The following KLF12 variants were observed in gnomAD, a reference collection of about 807,000 sequenced individuals.
KLF12 encodes the protein KLF transcription factor 12.
A neutral mutation model predicts 37.8 loss-of-function variants in KLF12; 9 were observed. That is an observed-to-expected ratio of 0.24 (90% CI 0.14 to 0.42). The LOEUF (loss-of-function observed/expected upper bound fraction) is 0.42, where lower values mean the gene tolerates loss of function less well. Among genes scored for constraint, KLF12 ranks in the 10% least tolerant of loss-of-function variants. The pLI, the probability that KLF12 is intolerant of heterozygous loss-of-function variation, is 1.00. For synonymous variants in KLF12, 208 were observed against 202.1 expected (o/e 1.03, Z -0.25); for missense variants, 411 against 516.0 (o/e 0.80, Z 1.97).
intron 6 of KLF12, among the ~76,000 whole-genome samples, chr13:73,725,403 A>C (rs1284933304): frequency 2.0e-5 from 3 of 152,168 alleles, no homozygotes; most frequent in African/African-American, 7.2e-5. Flanking sequence ...CCGGGCCAGT[A>C]ATTTTTTAAA....
At chr13:74,206,252 A>G in the KLF12 span, among the ~76,000 whole-genome samples, 1 of 152,188 alleles carries the variant, frequency 6.6e-6, no homozygotes, top group Non-Finnish European at 1.5e-5. Context: ...AACGTATTTT[A>G]TAATACTAAC....
intron 3 of KLF12, among the ~76,000 whole-genome samples, chr13:73,905,976 C>T (rs1026010588): frequency 6.6e-6 from 1 of 152,014 alleles, no homozygotes; most frequent in Non-Finnish European, 1.5e-5. Flanking sequence ...ATTTCTTTTC[C>T]TTAATATCAG....
intron 6 of KLF12, among the ~76,000 whole-genome samples, chr13:73,738,994 G>C (rs987306917): frequency 6.6e-6 from 1 of 152,164 alleles, no homozygotes; most frequent in South Asian, 2.1e-4. Flanking sequence ...CAGCACTTTG[G>C]AAGGCCGAGG....
intron 1 of KLF12, among the ~76,000 whole-genome samples, chr13:74,113,302 A>G (rs754283149): frequency 6.6e-6 from 1 of 152,252 alleles, no homozygotes; most frequent in Non-Finnish European, 1.5e-5. Context: ...CAGATTTTCA[A>G]TGTAGACAAA....
intron 1 of KLF12, among the ~76,000 whole-genome samples, chr13:74,119,790 C>T (rs1486496424): frequency 6.6e-6 from 1 of 151,936 alleles, no homozygotes; most frequent in Admixed American, 6.6e-5. Flanking sequence ...AATAGAAACA[C>T]TGAAAAGGTA....
upstream of KLF12, among the ~76,000 whole-genome samples, chr13:74,136,546 A>G (rs567817225): frequency 7.9e-4 from 121 of 152,352 alleles, no homozygotes; most frequent in South Asian, 2.3e-3. Context: ...CAGTTCTTGT[A>G]CTAACAGCTC....
intron 1 of KLF12, among the ~76,000 whole-genome samples, chr13:74,015,634 G>A (rs1210874622): frequency 6.6e-6 from 1 of 151,990 alleles, no homozygotes; most frequent in East Asian, 1.9e-4. Context: ...CTTTCCACAG[G>A]CATAGCAATC....
chr13:74,241,004 G>T, the KLF12 span, among the ~76,000 whole-genome samples: 12 of 152,182 alleles, frequency 7.9e-5, no homozygotes, highest in South Asian at 1.7e-3. Context: ...CGTTCCTTTG[G>T]AGGAGGAGAG....
intron 4 of KLF12, among the ~76,000 whole-genome samples, chr13:73,841,597 A>G (rs1033311039): frequency 6.6e-6 from 1 of 152,128 alleles, no homozygotes; most frequent in Admixed American, 6.6e-5. Context: ...AACTTACCCA[A>G]AAAGGACTTA....
chr13:74,279,766 G>A, the KLF12 span, among the ~76,000 whole-genome samples: 93 of 152,134 alleles, frequency 6.1e-4, no homozygotes, highest in Non-Finnish European at 2.1e-4. Flanking sequence ...AAAAGAGCAC[G>A]GAGTACATAA....
chr13:74,282,734 A>G, the KLF12 span, among the ~76,000 whole-genome samples: 4,041 of 152,278 alleles, frequency 0.027, 164 homozygotes, highest in African/African-American at 0.09. Flanking sequence ...CCAAAACTGA[A>G]TAGAAAGGGT....
chr13:74,234,483 A>G, the KLF12 span, among the ~76,000 whole-genome samples: 1 of 152,362 alleles, frequency 6.6e-6, no homozygotes, highest in East Asian at 1.9e-4. Flanking sequence ...TGCAAATCAC[A>G]TGAAACACTG....
chr13:73,768,554 ATT>A (rs10551193), intron 5 of KLF12, among the ~76,000 whole-genome samples: 115,876 of 151,772 alleles, frequency 0.76, 44,358 homozygotes, highest in South Asian at 0.87. Flanking sequence ...CAGGCAGCTC[ATT>A]TTTTTCTGCT....
intron 2 of KLF12, among the ~76,000 whole-genome samples, chr13:73,974,977 T>G (rs1891467820): frequency 6.6e-6 from 1 of 152,230 alleles, no homozygotes; most frequent in Admixed American, 6.5e-5. Flanking sequence ...GCTCGTAAAT[T>G]TATTAATCCT....
intron 1 of KLF12, among the ~76,000 whole-genome samples, chr13:74,030,554 C>A (rs1289354369): frequency 6.6e-6 from 1 of 152,056 alleles, no homozygotes; most frequent in Admixed American, 6.6e-5. Flanking sequence ...CAGAAAAAAA[C>A]CTTCCTGTCC....
intron 1 of KLF12, among the ~76,000 whole-genome samples, chr13:74,047,557 A>G (rs1202467616): frequency 9.9e-5 from 15 of 151,640 alleles, no homozygotes; most frequent in Admixed American, 9.9e-4. Flanking sequence ...AGATCCAGCC[A>G]CTGCATTCCA....
intron 6 of KLF12, among the ~76,000 whole-genome samples, chr13:73,755,949 G>A (rs1468156191): frequency 1.3e-5 from 2 of 152,060 alleles, no homozygotes; most frequent in African/African-American, 4.8e-5. Context: ...TTTTATGGCT[G>A]AGCAGCCTTC....
At chr13:74,199,403 A>T in the KLF12 span, among the ~76,000 whole-genome samples, 20 of 152,332 alleles carry the variant, frequency 1.3e-4, no homozygotes, top group African/African-American at 4.8e-4. Flanking sequence ...GAAATAAAGA[A>T]ATTACATTTT....
chr13:74,209,522 TCACACACACACACA>T, the KLF12 span, among the ~76,000 whole-genome samples: 2 of 145,890 alleles, frequency 1.4e-5, no homozygotes, highest in African/African-American at 5.1e-5. Context: ...AACATCTTAG[TCACACACACACACA>T]CACACACACA....
Sources: allele counts gnomAD v4.1 joint callset (sites outside exome capture counted in the v4.1 genomes callset), GRCh38; gene constraint gnomAD v4.1.1; transcripts MANE v1.5; gene names NCBI Gene and HGNC (gene_info 2026-07-23, HGNC 2026-07-21).